SH3RF3: variants seen among roughly 807,000 people sequenced by gnomAD.
The protein encoded by SH3RF3 is E3 ubiquitin-protein ligase SH3RF3.
Under a neutral mutation model 66.3 loss-of-function variants are expected in SH3RF3, and 29 were observed. The observed-to-expected ratio is 0.44, with a 90% CI of 0.33 to 0.60. The LOEUF (loss-of-function observed/expected upper bound fraction) is 0.60, where lower values mean the gene tolerates loss of function less well. Among genes scored for constraint, SH3RF3 ranks in the 20% least tolerant of loss-of-function variants. SH3RF3 has a pLI of 0.04. For missense variants in SH3RF3, 1,194 were observed against 1,190.9 expected (o/e 1.00, Z -0.04); for synonymous variants, 583 against 532.0 (o/e 1.10, Z -1.32).
intron 1 of SH3RF3, among the ~76,000 whole-genome samples, chr2:109,180,345 A>G (rs1455067014): frequency 6.6e-6 from 1 of 151,916 alleles, no homozygotes; most frequent in East Asian, 1.9e-4. Flanking sequence ...TCCTGATTCC[A>G]TTTCCCAAAA....
intron 9 of SH3RF3, among the ~76,000 whole-genome samples, chr2:109,495,967 C>T (rs1445915720): frequency 2.6e-5 from 4 of 152,178 alleles, no homozygotes; most frequent in Admixed American, 6.5e-5. Flanking sequence ...CTGGTGGGTT[C>T]GTGGTCTCAC....
chr2:109,500,853 G>C (rs931656846), intron 9 of SH3RF3, among the ~76,000 whole-genome samples: 1 of 152,170 alleles, frequency 6.6e-6, no homozygotes. Flanking sequence ...GGGAGGCTGA[G>C]GTGGGAGGCT....
intron 8 of SH3RF3, among the ~76,000 whole-genome samples, chr2:109,461,961 G>A (rs955026094): frequency 9.9e-5 from 15 of 152,088 alleles, no homozygotes; most frequent in African/African-American, 3.6e-4. Flanking sequence ...TATAGGAGGG[G>A]CTAGACGTAA....
intron 1 of SH3RF3, among the ~76,000 whole-genome samples, chr2:109,188,554 G>A (rs1476887159): frequency 1.3e-5 from 2 of 152,238 alleles, no homozygotes; most frequent in African/African-American, 2.4e-5. Context: ...CCCCGTCATT[G>A]TGACTGCATC....
intron 2 of SH3RF3, among the ~76,000 whole-genome samples, chr2:109,369,656 C>A (rs572476807): frequency 6.6e-6 from 1 of 152,244 alleles, no homozygotes; most frequent in Admixed American, 6.5e-5. Context: ...TGGGAGAGGG[C>A]GGTTTGGAAG....
chr2:109,422,476 G>A (rs1389676447), intron 5 of SH3RF3, among the ~76,000 whole-genome samples: 1 of 152,186 alleles, frequency 6.6e-6, no homozygotes, highest in Non-Finnish European at 1.5e-5. Flanking sequence ...GGCTTCCCTG[G>A]CATGGATTCC....
intron 1 of SH3RF3, among the ~76,000 whole-genome samples, chr2:109,252,251 G>GGA (rs1203380247): frequency 2.0e-4 from 14 of 70,918 alleles, no homozygotes; most frequent in Non-Finnish European, 3.5e-4. Context: ...CTGTCTCAGA[G>GGA]GAGAAAAAAA....
In SH3RF3 at chr2:109,291,368, G is replaced by A. The variant is rs72939526; in HGVS notation, c.574-56306G>A. Among the ~76,000 whole-genome samples, 1,368 of 151,688 alleles carry A rather than the reference G, an allele frequency of 9.0e-3. 19 individuals carry two copies. Among genetic ancestry groups the A allele is most frequent in the African/African-American group, 0.032 (1,316 of 41,348 alleles). ...CAGCTGCCTCTATTGCTTTTGGTTG[G>A]ACCAGGCCCATCTGCCCAAACAGTG... On this transcript the variant is annotated intron_variant, in intron 1 of 9. Transcript: ENST00000309415.
At chr2:109,340,107 C>A (rs1317029342) in intron 1 of SH3RF3, among the ~76,000 whole-genome samples, 1 of 152,130 alleles carries the variant, frequency 6.6e-6, no homozygotes, top group Non-Finnish European at 1.5e-5. Flanking sequence ...GGAGTAGCAG[C>A]TAAATAATGG....
rs572709108 is a variant in SH3RF3, at chr2:109,421,629, A to G, written c.1403+1987A>G. Among the ~76,000 whole-genome samples, 4 of 152,272 alleles carry G rather than the reference A, an allele frequency of 2.6e-5. No homozygotes were observed. The East Asian group carries it at 7.7e-4, about 29-fold the overall frequency. ...GGGGGACAGGGTTGCTGTGACCTCT[A>G]GCTCTCCACCTTCTCCCTCTGGGCT... On this transcript the variant is annotated intron_variant, in intron 5 of 9. Coordinates refer to ENST00000309415, the MANE Select transcript of SH3RF3 (RefSeq NM_001099289.3).
rs1166524400 is a variant in SH3RF3, at chr2:109,439,401, TTTTC to T, written c.1828+2256_1828+2259del. On this transcript the variant is annotated intron_variant, in intron 7 of 9. Coordinates refer to ENST00000309415, the MANE Select transcript of SH3RF3 (RefSeq NM_001099289.3). ...TAAATGCCACTGAGTTCCTGCGGCA[TTTTC>T]CACTTCATTCTGCATTTAGAGAGAG... Among the ~76,000 whole-genome samples the T allele has an allele frequency of 1.3e-4, 20 of 152,280 alleles. 1 individual carries two copies. The highest frequency in any genetic ancestry group is 1.2e-3 in the Admixed American group (19 of 15,294).
At chr2:109,177,676 C>T (rs1677954286) in intron 1 of SH3RF3, among the ~76,000 whole-genome samples, 1 of 152,128 alleles carries the variant, frequency 6.6e-6, no homozygotes, top group Non-Finnish European at 1.5e-5. Context: ...AGAGATCCTG[C>T]TTGTGTAGTA....
At chr2:109,193,716 TAC>T (rs1320888786) in intron 1 of SH3RF3, among the ~76,000 whole-genome samples, 1 of 152,206 alleles carries the variant, frequency 6.6e-6, no homozygotes, top group Non-Finnish European at 1.5e-5. Flanking sequence ...GTATGTAGTA[TAC>T]ATTCTGACCC....
At chr2:109,142,157 C>T (rs887077261) in intron 1 of SH3RF3, among the ~76,000 whole-genome samples, 3 of 151,958 alleles carry the variant, frequency 2.0e-5, no homozygotes, top group African/African-American at 4.8e-5. Context: ...TGGAGAGCAG[C>T]AAGGGAATGC....
intron 1 of SH3RF3, among the ~76,000 whole-genome samples, chr2:109,149,202 T>C (rs1317517360): frequency 6.6e-6 from 1 of 152,116 alleles, no homozygotes; most frequent in Non-Finnish European, 1.5e-5. Flanking sequence ...CTGCTGTCCT[T>C]GGTCCACACC....
intron 1 of SH3RF3, among the ~76,000 whole-genome samples, chr2:109,313,880 T>C (rs1352622978): frequency 6.9e-6 from 1 of 145,574 alleles, no homozygotes; most frequent in East Asian, 2.0e-4. Context: ...ATTTGAAGAG[T>C]GGCAGTGGAG....
intron 1 of SH3RF3, among the ~76,000 whole-genome samples, chr2:109,312,686 T>C (rs1337903371): frequency 2.6e-5 from 4 of 152,226 alleles, no homozygotes; most frequent in Non-Finnish European, 5.9e-5. Flanking sequence ...TCCAGGATCA[T>C]AGAGTATATC....
At chr2:109,233,616 C>T (rs965199627) in intron 1 of SH3RF3, among the ~76,000 whole-genome samples, 8 of 152,174 alleles carry the variant, frequency 5.3e-5, no homozygotes, top group South Asian at 2.1e-4. Context: ...GGGCCTTTGC[C>T]GGGGAACCAC....
At chr2:109,429,073 G>T (rs1488999773) in intron 5 of SH3RF3, among the ~76,000 whole-genome samples, 1 of 152,204 alleles carries the variant, frequency 6.6e-6, no homozygotes, top group Non-Finnish European at 1.5e-5. Context: ...TGCCACTGTG[G>T]CTGCAGGGGG....
Sources: allele counts gnomAD v4.1 joint callset (sites outside exome capture counted in the v4.1 genomes callset), GRCh38; gene constraint gnomAD v4.1.1; transcripts MANE v1.5; gene names NCBI Gene and HGNC (gene_info 2026-07-23, HGNC 2026-07-21).